The following DISP1 variants were observed in gnomAD, a reference collection of about 807,000 sequenced individuals.
The protein encoded by DISP1 is protein dispatched homolog 1.
Under a neutral mutation model 37.3 loss-of-function variants are expected in DISP1, and 30 were observed. The observed-to-expected ratio is 0.80, with a 90% CI of 0.60 to 1.09. The LOEUF is 1.09. DISP1 is among the 50% of genes least tolerant of loss of function. The pLI is 0.00. For missense variants in DISP1, 1,598 were observed against 1,879.5 expected (o/e 0.85, Z 2.77); for synonymous variants, 634 against 690.2 (o/e 0.92, Z 1.28).
intron 1 of DISP1, among the ~76,000 whole-genome samples, chr1:222,871,997 AG>A (rs1404266237): frequency 2.0e-5 from 3 of 151,108 alleles, no homozygotes; most frequent in Non-Finnish European, 4.4e-5. Flanking sequence ...TTTAGCATGA[AG>A]GGTTGTTGAA....
chr1:222,940,074 C>T (rs1369113579), intron 2 of DISP1, among the ~76,000 whole-genome samples: 2 of 150,822 alleles, frequency 1.3e-5, no homozygotes, highest in East Asian at 1.9e-4. Flanking sequence ...TACAGTGAGC[C>T]GAGATCGCGC....
chr1:222,967,232 A>T (rs888941858), intron 3 of DISP1, among the ~76,000 whole-genome samples: 1 of 152,194 alleles, frequency 6.6e-6, no homozygotes, highest in Non-Finnish European at 1.5e-5. Context: ...AGAATCTGAG[A>T]AGTGGAGGAC....
intron 3 of DISP1, chr1:222,943,575 A>G (rs992288134): frequency 6.6e-5 from 39 of 586,890 alleles, no homozygotes; most frequent in Non-Finnish European, 1.1e-4. Context: ...CAAACTGGTT[A>G]GGAATATCTG....
At chr1:222,928,731 A>G (rs1449687756) in intron 2 of DISP1, among the ~76,000 whole-genome samples, 161 bp downstream of exon 2, 1 of 152,104 alleles carries the variant, frequency 6.6e-6, no homozygotes, top group African/African-American at 2.4e-5. Context: ...TTTGAACGGC[A>G]TTTGGCATTT....
At chr1:222,981,356 A>C (rs1677822586) in intron 3 of DISP1, among the ~76,000 whole-genome samples, 1 of 152,208 alleles carries the variant, frequency 6.6e-6, no homozygotes, top group South Asian at 2.1e-4. Flanking sequence ...CTGCAGTGGA[A>C]TTGGAATATA....
chr1:222,965,973 C>T (rs985253952), intron 3 of DISP1, among the ~76,000 whole-genome samples: 5 of 152,038 alleles, frequency 3.3e-5, no homozygotes, highest in Admixed American at 2.6e-4. Flanking sequence ...ATCAAGGCTG[C>T]AGTGAGCCAT....
intron 7 of DISP1, among the ~76,000 whole-genome samples, chr1:222,993,363 G>T (rs1261060828): frequency 6.6e-6 from 1 of 152,198 alleles, no homozygotes; most frequent in African/African-American, 2.4e-5. Flanking sequence ...AGGAATTGTG[G>T]ATAGTATAAT....
intron 3 of DISP1, among the ~76,000 whole-genome samples, chr1:222,964,117 G>A (rs1013003189): frequency 6.6e-6 from 1 of 151,924 alleles, no homozygotes; most frequent in African/African-American, 2.4e-5. Context: ...TGGCCAATAT[G>A]GTGAAACCCT....
intron 1 of DISP1, among the ~76,000 whole-genome samples, chr1:222,879,024 T>G (rs970726818): frequency 3.9e-5 from 6 of 152,152 alleles, no homozygotes; most frequent in Admixed American, 3.3e-4. Flanking sequence ...GTTCTTTGTC[T>G]GGTTCTTCGT....
chr1:222,892,742 A>T (rs1671008347), intron 1 of DISP1, among the ~76,000 whole-genome samples: 2 of 152,250 alleles, frequency 1.3e-5, no homozygotes, highest in Non-Finnish European at 2.9e-5. Context: ...TTAGCAAAGC[A>T]ATATTCACTT....
At chr1:222,946,032 G>A (rs1386895942) in intron 3 of DISP1, 1 of 152,024 alleles carries the variant, frequency 6.6e-6, no homozygotes, top group African/African-American at 2.4e-5. Context: ...GTAGAAGAAA[G>A]TAGATTAGTA....
chr1:222,820,883 C>G (rs1662697473), intron 1 of DISP1, among the ~76,000 whole-genome samples: 1 of 152,140 alleles, frequency 6.6e-6, no homozygotes, highest in Non-Finnish European at 1.5e-5. Flanking sequence ...TAGAAGACAT[C>G]ACTAGAATGA....
intron 3 of DISP1, among the ~76,000 whole-genome samples, chr1:222,947,625 C>T (rs894730451): frequency 1.3e-5 from 2 of 152,056 alleles, no homozygotes; most frequent in Non-Finnish European, 2.9e-5. Context: ...TTTGAGGAAC[C>T]GTTTTCCATA....
chr1:222,978,360 G>T (rs1363429820), intron 3 of DISP1, among the ~76,000 whole-genome samples: 2 of 152,092 alleles, frequency 1.3e-5, no homozygotes, highest in Admixed American at 1.3e-4. Flanking sequence ...CCCACTTTTT[G>T]ATGGGGTTGT....
intron 3 of DISP1, among the ~76,000 whole-genome samples, chr1:222,957,184 G>A (rs950425514): frequency 7.1e-6 from 1 of 141,804 alleles, no homozygotes; most frequent in African/African-American, 2.7e-5. Flanking sequence ...CTTAGATTCC[G>A]CTTTTGGGGT....
chr1:222,979,109 G>C (rs1677629592), intron 3 of DISP1, among the ~76,000 whole-genome samples: 2 of 152,114 alleles, frequency 1.3e-5, no homozygotes, highest in African/African-American at 4.8e-5. Context: ...AATTACCTTG[G>C]GCTAGAATCA....
intron 1 of DISP1, among the ~76,000 whole-genome samples, chr1:222,927,046 G>A (rs920832189): frequency 6.6e-6 from 1 of 151,940 alleles, no homozygotes; most frequent in Non-Finnish European, 1.5e-5. Context: ...CAACTGTACT[G>A]GGAGTGTAGT....
chr1:222,825,499 CTT>C (rs954921482), intron 1 of DISP1, among the ~76,000 whole-genome samples: 12 of 131,792 alleles, frequency 9.1e-5, no homozygotes, highest in Middle Eastern at 3.6e-3. Flanking sequence ...ACCTGTTTCT[CTT>C]TTTTTTTTTT....
intron 3 of DISP1, 174 bp downstream of exon 3, chr1:222,943,506 T>C (rs1245030454): frequency 1.2e-6 from 1 of 803,892 alleles, no homozygotes. Flanking sequence ...AATAATACTG[T>C]ATATCGATTT....
Sources: allele counts gnomAD v4.1 joint callset (sites outside exome capture counted in the v4.1 genomes callset), GRCh38; gene constraint gnomAD v4.1.1; transcripts MANE v1.5; gene names NCBI Gene and HGNC (gene_info 2026-07-23, HGNC 2026-07-21).